Variants in SIPA1L2 observed in about 807,000 individuals in gnomAD.
The protein encoded by SIPA1L2 is signal induced proliferation associated 1 like 2, also known as signal-induced proliferation-associated 1-like protein 2.
A neutral mutation model predicts 163.9 loss-of-function variants in SIPA1L2; 56 were observed. The observed-to-expected ratio is 0.34, with a 90% confidence interval of 0.28 to 0.43. The LOEUF is 0.43. SIPA1L2 is among the 20% of genes least tolerant of loss of function. The probability of loss-of-function intolerance (pLI) is 1.00; values close to 1 mark genes in which losing one functional copy is unlikely to be tolerated. For synonymous variants in SIPA1L2, 877 were observed against 865.7 expected (o/e 1.01, Z -0.23); for missense variants, 1,974 against 2,193.5 (o/e 0.90, Z 2.00).
chr1:232,403,357 G>T, intron 21 of SIPA1L2, 91 bp downstream of exon 21: 1 of 1,503,286 alleles, frequency 6.7e-7, no homozygotes, highest in Non-Finnish European at 9.0e-7. Context: ...CAATATGGTC[G>T]CCCGCCTGGC....
chr1:232,562,436 GGA>G (rs1175676886), intron 2 of SIPA1L2, among the ~76,000 whole-genome samples: 3 of 152,078 alleles, frequency 2.0e-5, no homozygotes, highest in African/African-American at 7.2e-5. Flanking sequence ...AAGCTACACA[GGA>G]ATTCTAACAC....
chr1:232,431,014 T>C (rs954951920), intron 16 of SIPA1L2, among the ~76,000 whole-genome samples: 6 of 152,164 alleles, frequency 3.9e-5, no homozygotes, highest in South Asian at 2.1e-4. Context: ...ATCAAACCAG[T>C]GCGTGGAAAT....
intron 1 of SIPA1L2, among the ~76,000 whole-genome samples, chr1:232,607,399 A>T (rs73099520): frequency 1.3e-5 from 2 of 152,232 alleles, no homozygotes; most frequent in African/African-American, 4.8e-5. Context: ...TGAATATCTT[A>T]CTATCAAATT....
intron 2 of SIPA1L2, among the ~76,000 whole-genome samples, chr1:232,537,313 T>C (rs1051433439): frequency 9.2e-5 from 14 of 152,328 alleles, no homozygotes; most frequent in Non-Finnish European, 1.2e-4. Flanking sequence ...CAGAATGTCC[T>C]ACTTCTTGGA....
chr1:232,564,179 TGTGTGTGTG>T (rs1472269493), intron 2 of SIPA1L2, among the ~76,000 whole-genome samples: 6 of 114,314 alleles, frequency 5.2e-5, no homozygotes, highest in African/African-American at 9.0e-5. Context: ...TGTGTGTGTG[TGTGTGTGTG>T]TTTCATCATG....
intron 9 of SIPA1L2, among the ~76,000 whole-genome samples, chr1:232,461,973 A>T (rs1664260900): frequency 6.6e-6 from 1 of 152,198 alleles, no homozygotes; most frequent in South Asian, 2.1e-4. Flanking sequence ...CAGGCAGCAG[A>T]CAGACCCTCT....
chr1:232,446,644 T>C (rs965195655), intron 10 of SIPA1L2, among the ~76,000 whole-genome samples: 3 of 152,276 alleles, frequency 2.0e-5, no homozygotes, highest in African/African-American at 7.2e-5. Context: ...AGGCCATGTC[T>C]GTGTTCAACA....
At position 232,467,405 on chromosome 1, in the gene SIPA1L2, G is replaced by T. The variant is rs10495325; in HGVS notation, c.2244-1989C>A. 0.032 allele frequency among the ~76,000 whole-genome samples: 4,902 copies of T among 152,190 alleles called. 885 individuals carry two copies. In the East Asian group the frequency reaches 0.56, roughly 17 times the overall value. On this transcript the variant is annotated intron_variant, in intron 8 of 22. Coordinates refer to ENST00000674635, the MANE Select transcript of SIPA1L2 (RefSeq NM_020808.5). ...ACACTGCCAGGGATCTACATCAGGT[G>T]TGGCCCATTTTCCCCTCACCACCAT...
chr1:232,534,588 C>G (rs1401231560), intron 2 of SIPA1L2, among the ~76,000 whole-genome samples: 1 of 152,168 alleles, frequency 6.6e-6, no homozygotes, highest in South Asian at 2.1e-4. Context: ...CACTATCAAC[C>G]AAACAAAGTG....
intron 3 of SIPA1L2, among the ~76,000 whole-genome samples, chr1:232,495,965 TAA>T (rs1169160314): frequency 6.6e-6 from 1 of 152,198 alleles, no homozygotes; most frequent in Non-Finnish European, 1.5e-5. Flanking sequence ...GTTAAAAAAA[TAA>T]AGTTATAAAG....
At chr1:232,432,216 C>T in intron 16 of SIPA1L2, 31 bp downstream of exon 16, 1 of 1,586,222 alleles carries the variant, frequency 6.3e-7, no homozygotes. Context: ...GTGAAAAATG[C>T]TGACCAGAGA....
Position 232,479,729 on chromosome 1 carries a change from A to G in SIPA1L2, c.1983T>C (p.Thr661=). Reference sequence around the variant, plus strand: ...AGAGAGAGTGCGTGCCCGTGGAATCAGCTGAAAACAAAGATGAATTACAGA... The same window carrying G: ...AGAGAGAGTGCGTGCCCGTGGAATCGGCTGAAAACAAAGATGAATTACAGA... The part of the protein sequence containing the change: ...SKYRAQLDNK[T]DSTGTHSLYT... Residue 661 remains threonine, a splice_region_variant and synonymous_variant, in exon 7 of 23, where the codon ACT becomes ACC. Transcript: ENST00000674635. 6.2e-7 allele frequency: 1 copy of G among 1,612,800 alleles called. No individual in the cohort carries two copies. Among genetic ancestry groups the G allele is most frequent in the Non-Finnish European group, 8.5e-7 (1 of 1,178,944 alleles).
chr1:232,501,691 G>C (rs1352933075), intron 3 of SIPA1L2, among the ~76,000 whole-genome samples: 2 of 152,266 alleles, frequency 1.3e-5, no homozygotes, highest in Non-Finnish European at 2.9e-5. Context: ...CTGGCTACAG[G>C]GGGAGGAGAG....
intron 10 of SIPA1L2, among the ~76,000 whole-genome samples, chr1:232,453,247 T>G (rs938213103): frequency 6.6e-6 from 1 of 152,162 alleles, no homozygotes; most frequent in Non-Finnish European, 1.5e-5. Flanking sequence ...AAGGGAATGA[T>G]GAGTAGCAAA....
At chr1:232,596,692 T>C (rs1362650380) in intron 1 of SIPA1L2, among the ~76,000 whole-genome samples, 2 of 152,220 alleles carry the variant, frequency 1.3e-5, no homozygotes, top group African/African-American at 4.8e-5. Flanking sequence ...AACCTATTTG[T>C]AGAAAGAACA....
chr1:232,415,431 A>G, intron 19 of SIPA1L2, 63 bp downstream of exon 19: 2 of 1,525,910 alleles, frequency 1.3e-6, no homozygotes, highest in South Asian at 1.3e-5. Context: ...AAGATGCCGC[A>G]CAGGCCCTGC....
At chr1:232,410,537 A>C (rs919079131) in intron 19 of SIPA1L2, among the ~76,000 whole-genome samples, 3 of 150,052 alleles carry the variant, frequency 2.0e-5, no homozygotes, top group African/African-American at 7.3e-5. Flanking sequence ...GCTGCTTCTG[A>C]ATTTCAAAAT....
chr1:232,485,269 T>C (rs1248441905), intron 5 of SIPA1L2, among the ~76,000 whole-genome samples: 2 of 152,248 alleles, frequency 1.3e-5, no homozygotes, highest in African/African-American at 2.4e-5. Context: ...TTGCAGTTCA[T>C]GGGCCTTGGG....
intron 10 of SIPA1L2, among the ~76,000 whole-genome samples, chr1:232,448,902 TGC>T (rs1663378299): frequency 6.6e-6 from 1 of 152,016 alleles, no homozygotes; most frequent in Non-Finnish European, 1.5e-5. Flanking sequence ...ACAGAAAAGA[TGC>T]AGAGTCAAGG....
Sources: allele counts gnomAD v4.1 joint callset (sites outside exome capture counted in the v4.1 genomes callset), GRCh38; gene constraint gnomAD v4.1.1; transcripts MANE v1.5; gene names NCBI Gene and HGNC (gene_info 2026-07-23, HGNC 2026-07-21).